The following ADAMTSL3 variants were observed in gnomAD, a reference collection of about 807,000 sequenced individuals.
The protein encoded by ADAMTSL3 is ADAMTS like 3.
A neutral mutation model predicts 201.7 loss-of-function variants in ADAMTSL3; 128 were observed. The observed-to-expected ratio is 0.63, with a 90% CI of 0.55 to 0.73. ADAMTSL3 has a LOEUF of 0.73. Among genes scored for constraint, ADAMTSL3 ranks in the 30% least tolerant of loss-of-function variants. The pLI, the probability that ADAMTSL3 is intolerant of heterozygous loss-of-function variation, is 0.00. For missense variants in ADAMTSL3, 1,990 were observed against 2,119.6 expected (o/e 0.94, Z 1.20); for synonymous variants, 738 against 748.4 (o/e 0.99, Z 0.23).
At chr15:83,757,447 G>GCTGAGTGC (rs1285511747) in intron 3 of ADAMTSL3, among the ~76,000 whole-genome samples, 2 of 152,220 alleles carry the variant, frequency 1.3e-5, no homozygotes, top group East Asian at 3.8e-4. Context: ...TGGCTGAGTG[G>GCTGAGTGC]CTGAGATGCA....
Position 83,891,387 on chromosome 15 carries a change from A to G in ADAMTSL3, c.1262+8A>G, listed in dbSNP as rs375927670. On this transcript the variant is annotated splice_region_variant and intron_variant, in intron 12 of 29. Transcript: ENST00000286744. ...CTTCCAACCTCTTCCTCGGTGAGTT[A>G]TATGTTTCCTTTTCCTTTTTGCAAT... 2 of 1,611,378 alleles carry G rather than the reference A, an allele frequency of 1.2e-6. No homozygotes were observed. Among genetic ancestry groups the G allele is most frequent in the Non-Finnish European group, 8.5e-7 (1 of 1,177,686 alleles).
Position 83,982,448 on chromosome 15 carries a change from G to A in ADAMTSL3, c.2820G>A (p.Gln940=). 1 of 1,614,164 alleles carries A rather than the reference G, an allele frequency of 6.2e-7. No individual in the cohort carries two copies. The highest frequency in any genetic ancestry group is 1.7e-5 in the Admixed American group (1 of 60,014). The change falls in exon 21 of 30, where the codon CAG becomes CAA. Residue 940 remains glutamine, a synonymous_variant. Transcript: ENST00000286744. The part of the protein sequence containing the change: ...VIIKCPVRRF[Q]KSLIQWEKDG... ...TTAAGTGCCCCGTGCGACGATTCCA[G>A]AAATCTCTGATCCAGTGGGAGAAGG...
At chr15:83,842,200 G>A (rs1207011937) in intron 7 of ADAMTSL3, among the ~76,000 whole-genome samples, 1 of 151,346 alleles carries the variant, frequency 6.6e-6, no homozygotes, top group African/African-American at 2.4e-5. Context: ...GAATGGTGGA[G>A]GTAGCTCTCA....
chr15:83,689,714 G>C lies in ADAMTSL3; in HGVS notation c.70-14675G>C, dbSNP rs140891216. 7.3e-3 allele frequency among the ~76,000 whole-genome samples: 1,109 copies of C among 152,232 alleles called. 6 individuals are homozygous for C. Among genetic ancestry groups the C allele is most frequent in the Non-Finnish European group, 0.01 (707 of 68,014 alleles). On this transcript the variant is annotated intron_variant, in intron 2 of 29. Transcript: ENST00000286744. ...CTTCATTTTAGAGTGAGACTGATATGTGATTTTTTTCTTTTATTATTCTTA... is the reference window on the plus strand; with the variant it reads ...CTTCATTTTAGAGTGAGACTGATATCTGATTTTTTTCTTTTATTATTCTTA...
chr15:83,870,625 C>T lies in ADAMTSL3; in HGVS notation c.803-177C>T, dbSNP rs138476255. ...CCACCCTTGTTAGCTCCTTTTGTTACGGGCAATTAAAAATCTGATATATCT... is the reference window on the plus strand; with the variant it reads ...CCACCCTTGTTAGCTCCTTTTGTTATGGGCAATTAAAAATCTGATATATCT... On this transcript the variant is annotated intron_variant, in intron 8 of 29. Coordinates refer to ENST00000286744, the MANE Select transcript of ADAMTSL3 (RefSeq NM_207517.3). 4.1e-3 allele frequency among the ~76,000 whole-genome samples: 626 copies of T among 152,170 alleles called. 3 individuals are homozygous for T. Among genetic ancestry groups the T allele is most frequent in the African/African-American group, 0.013 (545 of 41,502 alleles).
chr15:83,747,116 C>T (rs909242765), intron 3 of ADAMTSL3, among the ~76,000 whole-genome samples: 2 of 152,010 alleles, frequency 1.3e-5, no homozygotes, highest in African/African-American at 4.8e-5. Flanking sequence ...GAAGGCTGCC[C>T]AGATGATATG....
At chr15:83,871,054 A>G (rs2065071369) in intron 9 of ADAMTSL3, 95 bp downstream of exon 9, 3 of 1,383,534 alleles carry the variant, frequency 2.2e-6, no homozygotes, top group Non-Finnish European at 3.0e-6. Context: ...GTCATCAATC[A>G]TTGTTTTTTA....
chr15:83,832,933 T>C (rs1160572442), intron 6 of ADAMTSL3, among the ~76,000 whole-genome samples: 1 of 152,170 alleles, frequency 6.6e-6, no homozygotes, highest in East Asian at 1.9e-4. Flanking sequence ...CAGACCAAGT[T>C]TGATTTGTCA....
intron 2 of ADAMTSL3, among the ~76,000 whole-genome samples, chr15:83,688,082 A>G (rs1285525295): frequency 6.6e-6 from 1 of 152,210 alleles, no homozygotes; most frequent in Non-Finnish European, 1.5e-5. Flanking sequence ...AGCAGGAGGA[A>G]AGGAATGGAT....
rs2065141418 is a variant in ADAMTSL3 at position 83,874,481 on chromosome 15, A to G, written c.960+3522A>G. 1.4e-5 allele frequency among the ~76,000 whole-genome samples: 2 copies of G among 144,384 alleles called. 1 individual carries two copies. The highest frequency in any genetic ancestry group is 5.3e-5 in the African/African-American group (2 of 37,602). 94.7% of individuals were successfully genotyped at this position (144,384 alleles called of 152,430 possible). A position where few individuals can be genotyped will look rare whatever the true frequency, so the allele number is the denominator to read the frequency against. ...TACTCCTGACTGGCCAGGGGGTGAC[A>G]TGGTGCTGGCAAAATGACCCTTTAG... On this transcript the variant is annotated intron_variant, in intron 9 of 29. Coordinates refer to ENST00000286744, the MANE Select transcript of ADAMTSL3 (RefSeq NM_207517.3).
intron 2 of ADAMTSL3, among the ~76,000 whole-genome samples, chr15:83,661,131 A>G (rs1237567470): frequency 2.7e-5 from 4 of 150,112 alleles, no homozygotes; most frequent in Non-Finnish European, 6.0e-5. Context: ...GTTCTGTTCC[A>G]TTGATCTATA....
chr15:83,680,501 A>T (rs1251589474), intron 2 of ADAMTSL3, among the ~76,000 whole-genome samples: 2 of 138,838 alleles, frequency 1.4e-5, no homozygotes, highest in African/African-American at 5.4e-5. Context: ...TGATTGGCAC[A>T]CCTTAGTTGT....
At chr15:83,779,328 A>AT (rs2063128992) in intron 4 of ADAMTSL3, among the ~76,000 whole-genome samples, 1 of 152,172 alleles carries the variant, frequency 6.6e-6, no homozygotes, top group South Asian at 2.1e-4. Context: ...TCATCACCAC[A>AT]TGGCACTTAC....
chr15:83,711,608 C>T (rs2061934899), intron 3 of ADAMTSL3, among the ~76,000 whole-genome samples: 1 of 152,226 alleles, frequency 6.6e-6, no homozygotes, highest in South Asian at 2.1e-4. Context: ...AGCTCATGGT[C>T]TGTTAAGAGA....
At chr15:83,851,541 G>C (rs1446728626) in intron 7 of ADAMTSL3, among the ~76,000 whole-genome samples, 1 of 151,982 alleles carries the variant, frequency 6.6e-6, no homozygotes, top group Non-Finnish European at 1.5e-5. Flanking sequence ...TGCCCAAATA[G>C]GTTTTCTTCA....
At chr15:83,779,582 C>T (rs962827854) in intron 4 of ADAMTSL3, among the ~76,000 whole-genome samples, 6 of 151,176 alleles carry the variant, frequency 4.0e-5, no homozygotes, top group African/African-American at 1.5e-4. Flanking sequence ...CCTGTAGTCC[C>T]AGCTACTCTG....
intron 3 of ADAMTSL3, among the ~76,000 whole-genome samples, chr15:83,772,831 G>A (rs564050421): frequency 6.6e-6 from 1 of 151,672 alleles, no homozygotes; most frequent in South Asian, 2.1e-4. Flanking sequence ...TTGGCCTCCC[G>A]AGTAGCTGGG....
At chr15:83,731,106 C>T (rs562659557) in intron 3 of ADAMTSL3, among the ~76,000 whole-genome samples, 3 of 152,122 alleles carry the variant, frequency 2.0e-5, no homozygotes, top group South Asian at 4.2e-4. Flanking sequence ...TATTTATGGA[C>T]TCACTCTTTG....
rs142908555 is a variant in ADAMTSL3 at position 84,016,441 on chromosome 15, C to T, written c.4215C>T (p.Leu1405=). The change falls in exon 25 of 30, where the codon CTC becomes CTT. Residue 1405 remains leucine, a synonymous_variant. Coordinates refer to ENST00000286744, the MANE Select transcript of ADAMTSL3 (RefSeq NM_207517.3). The stretch of plus-strand genomic sequence containing the variant: ...TGCAAGGACATAAAAAGTACATTCT[C>T]CAGGCAACCAACACTAGAACCAACA... ...VFLQGHKKYI[L]QATNTRTNSN... is the part of the protein sequence containing the mutation. The T allele has an allele frequency of 7.4e-6, 12 of 1,613,862 alleles. No individual in the cohort carries two copies. The African/African-American group carries it at 1.1e-4, about 14-fold the overall frequency.
Sources: allele counts gnomAD v4.1 joint callset (sites outside exome capture counted in the v4.1 genomes callset), GRCh38; gene constraint gnomAD v4.1.1; transcripts MANE v1.5; gene names NCBI Gene and HGNC (gene_info 2026-07-23, HGNC 2026-07-21).